FHL1: variants seen among roughly 807,000 people sequenced by gnomAD.
FHL1 encodes the protein four and a half LIM domains protein 1.
In FHL1, 1 loss-of-function variant was observed where a neutral mutation model predicts 20.3. The observed-to-expected ratio is 0.05, with a 90% CI of 0.02 to 0.23. The LOEUF (loss-of-function observed/expected upper bound fraction) is 0.23. Among genes scored for constraint, FHL1 ranks in the 10% least tolerant of loss-of-function variants. The pLI, the probability that FHL1 is intolerant of heterozygous loss-of-function variation, is 1.00. For missense variants in FHL1, 177 were observed against 234.0 expected (o/e 0.76, Z 1.59); for synonymous variants, 82 against 88.9 (o/e 0.92, Z 0.44).
chrX:136,147,737 G>T, intron 1 of FHL1: 1 of 112,824 alleles, frequency 8.9e-6, no homozygotes, highest in South Asian at 3.4e-4. Context: ...CCGCCGCTCG[G>T]GGCTGGTCCC....
chrX:136,153,216 AAG>A (rs745783466), intron 1 of FHL1, among the ~76,000 whole-genome samples: 149 of 109,359 alleles, frequency 1.4e-3, no homozygotes, highest in Non-Finnish European at 1.9e-3. Context: ...GGAGCACAAA[AAG>A]AGGAAACATT....
At chrX:136,208,739 C>A in intron 5 of FHL1, 98 bp downstream of exon 5, 12 of 841,575 alleles carry the variant, frequency 1.4e-5, no homozygotes, top group Non-Finnish European at 1.9e-5. Context: ...CAAAGGCCCC[C>A]AGAGAATGCC....
chrX:136,166,629 T>G, upstream of FHL1, among the ~76,000 whole-genome samples: 1 of 111,554 alleles, frequency 9.0e-6, no homozygotes. Context: ...TTAAGTAGAA[T>G]CGGTATGAAT....
intron 2 of FHL1, among the ~76,000 whole-genome samples, chrX:136,181,592 G>A (rs761929021): frequency 9.6e-4 from 108 of 112,499 alleles, no homozygotes; most frequent in African/African-American, 3.2e-3. Flanking sequence ...TTTGGAGGCT[G>A]TGGTACTCAA....
At chrX:136,209,468 CAA>C in intron 5 of FHL1, 1 of 1,197,450 alleles carries the variant, frequency 8.4e-7, no homozygotes, top group Non-Finnish European at 1.1e-6. Context: ...ACGAACAGCC[CAA>C]GTTTGCCTCC....
rs191332209 is a variant in FHL1 at position 136,158,745 on chromosome X, G to A, written c.-101+11117G>A. ...CAAAGTTGAATATACTTGCTGGGCT[G>A]TGTTATGACCGTCTTTGAAGCCACG... On this transcript the variant is annotated intron_variant, in intron 1 of 7. Transcript: ENST00000394155. Among the ~76,000 whole-genome samples the A allele has an allele frequency of 1.8e-3, 197 of 111,532 alleles. 4 individuals are homozygous for A. Among genetic ancestry groups the A allele is most frequent in the Admixed American group, 0.017 (181 of 10,448 alleles).
At chrX:136,151,721 AAAAT>A (rs1350292706) in intron 1 of FHL1, among the ~76,000 whole-genome samples, 1 of 111,953 alleles carries the variant, frequency 8.9e-6, no homozygotes, top group Non-Finnish European at 1.9e-5. Flanking sequence ...TCAAAAACAT[AAAAT>A]AAATAAATAA....
intron 2 of FHL1, among the ~76,000 whole-genome samples, chrX:136,190,538 C>T (rs1212802598): frequency 8.9e-6 from 1 of 111,874 alleles, no homozygotes; most frequent in Non-Finnish European, 1.9e-5. Context: ...GAGACTCCAG[C>T]ATTAACCATT....
At chrX:136,186,723 ACG>A (rs2073297680) in intron 2 of FHL1, among the ~76,000 whole-genome samples, 1 of 109,673 alleles carries the variant, frequency 9.1e-6, no homozygotes, top group Non-Finnish European at 1.9e-5. Context: ...GCATGGTGGC[ACG>A]CACCTTTAGT....
intron 4 of FHL1, 117 bp from the exon 5 acceptor site, chrX:136,208,338 T>C: frequency 1.3e-6 from 1 of 768,566 alleles, no homozygotes; most frequent in African/African-American, 2.0e-5. Flanking sequence ...CCATGGCTGT[T>C]GTGGAGATTA....
At chrX:136,208,998 A>G (rs1156782110) in intron 5 of FHL1, among the ~76,000 whole-genome samples, 2 of 108,942 alleles carry the variant, frequency 1.8e-5, no homozygotes, top group Non-Finnish European at 3.8e-5. Flanking sequence ...AGGGAGGCCG[A>G]AGAGTGATAA....
upstream of FHL1, among the ~76,000 whole-genome samples, chrX:136,192,285 A>G (rs1450590876): frequency 9.0e-6 from 1 of 111,670 alleles, no homozygotes; most frequent in Non-Finnish European, 1.9e-5. Context: ...TAGGCCCATA[A>G]AGTATCTGTA....
intron 2 of FHL1, among the ~76,000 whole-genome samples, chrX:136,181,193 A>G (rs1400057937): frequency 8.9e-6 from 1 of 112,748 alleles, no homozygotes; most frequent in Admixed American, 9.4e-5. Flanking sequence ...CACTAAAGCC[A>G]TGGGTGTTAA....
chrX:136,206,676 G>C, intron 2 of FHL1, 88 bp downstream of exon 2: 1 of 1,121,246 alleles, frequency 8.9e-7, no homozygotes, highest in Non-Finnish European at 1.2e-6. Context: ...CTGGCTGTTA[G>C]GATTTCCCAG....
In FHL1 at chrX:136,210,587, A is replaced by G. The variant is rs1223549636; in HGVS notation, c.*562A>G. 5.1e-6 allele frequency: 2 copies of G among 389,026 alleles called. No homozygotes were observed. Among genetic ancestry groups the G allele is most frequent in the Non-Finnish European group, 9.7e-6 (2 of 207,149 alleles). 32.1% of individuals were successfully genotyped at this position (389,026 alleles called of 1,213,427 possible). A position where few individuals can be genotyped will look rare whatever the true frequency, so the allele number is the denominator to read the frequency against. On this transcript the variant is annotated 3_prime_UTR_variant, in exon 6 of 6. Coordinates refer to ENST00000370683, the MANE Select transcript of FHL1 (RefSeq NM_001159699.2). ...TAACACGAACTTCCAGAAAATTAAC[A>G]TTTGAACTTAGCTGTAATTCTAAAC... is the stretch of plus-strand genomic sequence containing the variant.
chrX:136,176,969 G>C (rs1465935797), intron 2 of FHL1, among the ~76,000 whole-genome samples: 1 of 102,866 alleles, frequency 9.7e-6, no homozygotes, highest in African/African-American at 3.5e-5. Flanking sequence ...TTCAACCAGA[G>C]TACCCATTGT....
Position 136,206,997 on chromosome X carries a change from C to G in FHL1, c.205-19C>G. On this transcript the variant is annotated intron_variant, in intron 2 of 5. Transcript: ENST00000370683. ...CCAGCACCCCTCATGGTGGCCCACC[C>G]TGTCTGCTTGGTTTCCAGGAGGTGC... 1 of 1,210,387 alleles carries G rather than the reference C, an allele frequency of 8.3e-7. No individual in the cohort carries two copies. The highest frequency in any genetic ancestry group is 1.1e-6 in the Non-Finnish European group (1 of 895,212).
At position 136,185,725 on chromosome X, in the gene FHL1, A is replaced by G. The variant is rs2300914; in HGVS notation, c.-27+15745A>G. On this transcript the variant is annotated intron_variant, in intron 2 of 6. Coordinates refer to the FHL1 transcript ENST00000394153. The stretch of plus-strand genomic sequence containing the variant: ...GCTAGAGACATCAAGCTACTCCTCT[A>G]CTTTTAGGAAAAAACAATGACAGGG... 5.3e-5 allele frequency among the ~76,000 whole-genome samples: 6 copies of G among 112,420 alleles called. No homozygotes were observed. The East Asian group carries it at 1.7e-3, about 31-fold the overall frequency.
At chrX:136,158,863 G>T (rs2072491232) in intron 1 of FHL1, among the ~76,000 whole-genome samples, 1 of 111,536 alleles carries the variant, frequency 9.0e-6, no homozygotes, top group Non-Finnish European at 1.9e-5. Flanking sequence ...CCTGAGATAA[G>T]GTGATTTATT....
Sources: allele counts gnomAD v4.1 joint callset (sites outside exome capture counted in the v4.1 genomes callset), GRCh38; gene constraint gnomAD v4.1.1; transcripts MANE v1.5; gene names NCBI Gene and HGNC (gene_info 2026-07-23, HGNC 2026-07-21).